Variants in RYR2 observed in about 807,000 individuals in gnomAD.
RYR2 encodes the protein ryanodine receptor 2.
In RYR2, 227 loss-of-function variants were observed where a neutral mutation model predicts 601.1. That is an observed-to-expected ratio of 0.38 (90% CI 0.34 to 0.42). The LOEUF (loss-of-function observed/expected upper bound fraction) is 0.42, where lower values mean the gene tolerates loss of function less well. RYR2 is among the 10% of genes least tolerant of loss of function. RYR2 has a pLI of 1.00. For synonymous variants in RYR2, 2,223 were observed against 2,175.1 expected (o/e 1.02, Z -0.61); for missense variants, 4,646 against 6,156.5 (o/e 0.75, Z 8.21).
At chr1:237,345,468 AAAAAAT>A (rs1698215437) in intron 3 of RYR2, among the ~76,000 whole-genome samples, 1 of 150,536 alleles carries the variant, frequency 6.6e-6, no homozygotes, top group Admixed American at 6.6e-5. Flanking sequence ...AATAAAAAAT[AAAAAAT>A]AAAAAATAAA....
At chr1:237,464,716 A>C (rs1463333383) in intron 16 of RYR2, among the ~76,000 whole-genome samples, 1 of 152,160 alleles carries the variant, frequency 6.6e-6, no homozygotes, top group Admixed American at 6.5e-5. Context: ...CAGTGTATAC[A>C]TTTACTTTAC....
intron 101 of RYR2, 87 bp from the exon 102 acceptor site, chr1:237,828,294 A>T (rs184474790): frequency 1.1e-6 from 1 of 887,016 alleles, no homozygotes; most frequent in African/African-American, 1.7e-5. Flanking sequence ...GTAGTTGTAC[A>T]TCTCCCCTTT....
intron 35 of RYR2, among the ~76,000 whole-genome samples, chr1:237,605,380 T>C (rs1677002378): frequency 6.6e-6 from 1 of 152,188 alleles, no homozygotes; most frequent in Non-Finnish European, 1.5e-5. Flanking sequence ...CAGCCCTTCA[T>C]GCTAAAAACT....
intron 8 of RYR2, among the ~76,000 whole-genome samples, chr1:237,379,551 C>T (rs1214974590): frequency 6.6e-6 from 1 of 152,170 alleles, no homozygotes; most frequent in African/African-American, 2.4e-5. Flanking sequence ...AGGTTTACCT[C>T]CTATAGAAGG....
chr1:237,298,296 G>A (rs1317354250), intron 2 of RYR2, among the ~76,000 whole-genome samples: 1 of 152,084 alleles, frequency 6.6e-6, no homozygotes, highest in Non-Finnish European at 1.5e-5. Context: ...CAGGAGGGCG[G>A]AGTTTCATGC....
chr1:237,362,301 A>G (rs1373925705), intron 4 of RYR2, among the ~76,000 whole-genome samples: 1 of 152,172 alleles, frequency 6.6e-6, no homozygotes, highest in Non-Finnish European at 1.5e-5. Context: ...AATTGCCCAT[A>G]TAGTCATCCC....
intron 17 of RYR2, among the ~76,000 whole-genome samples, chr1:237,488,423 C>T (rs1300780561): frequency 2.0e-5 from 3 of 152,142 alleles, no homozygotes; most frequent in African/African-American, 4.8e-5. Flanking sequence ...CAGCAAGCTC[C>T]CTTGGGGCCT....
intron 1 of RYR2, among the ~76,000 whole-genome samples, chr1:237,268,228 T>C (rs561757706): frequency 6.6e-6 from 1 of 152,328 alleles, no homozygotes; most frequent in African/African-American, 2.4e-5. Context: ...TGTAGTTACT[T>C]ACCCAAGAGT....
intron 29 of RYR2, among the ~76,000 whole-genome samples, chr1:237,578,024 G>A (rs1348415863): frequency 6.6e-6 from 1 of 152,118 alleles, no homozygotes; most frequent in Non-Finnish European, 1.5e-5. Flanking sequence ...GCTGGTGGCT[G>A]GTCTTGAGCT....
chr1:237,334,293 A>T (rs1368461757), intron 3 of RYR2, among the ~76,000 whole-genome samples: 1 of 152,126 alleles, frequency 6.6e-6, no homozygotes, highest in Non-Finnish European at 1.5e-5. Flanking sequence ...ATGAAATGGG[A>T]GAAAATATTA....
In RYR2 at chr1:237,707,048, G is replaced by A. The variant is rs755897867; in HGVS notation, c.9680G>A (p.Arg3227His). The change falls in exon 68 of 105, where the codon CGC becomes CAC. Residue 3227 changes from arginine (R) to histidine (H), a missense_variant. By Grantham distance (29) the Arg-to-His change is conservative. Coordinates refer to ENST00000366574, the MANE Select transcript of RYR2 (RefSeq NM_001035.3). The stretch of plus-strand genomic sequence containing the variant: ...GTGGAATTAGCCGAGTCCGGCATTC[G>A]CTACACTCAAATGCCACATGTCATG... Reference protein sequence around the residue: ...EIVELAESGIRYTQMPHVMEV... With the variant: ...EIVELAESGIHYTQMPHVMEV... 7.4e-6 allele frequency: 12 copies of A among 1,613,696 alleles called. No individual in the cohort carries two copies. The highest frequency in any genetic ancestry group is 2.2e-5 in the East Asian group (1 of 44,888).
At chr1:237,322,428 A>T (rs1695709695) in intron 2 of RYR2, among the ~76,000 whole-genome samples, 1 of 152,318 alleles carries the variant, frequency 6.6e-6, no homozygotes, top group South Asian at 2.1e-4. Context: ...CAAGGAGGGC[A>T]TGAGACAAGG....
chr1:237,408,239 G>A (rs182643600), intron 10 of RYR2, among the ~76,000 whole-genome samples: 2 of 151,972 alleles, frequency 1.3e-5, no homozygotes, highest in African/African-American at 4.8e-5. Context: ...TTAGTGGAAG[G>A]TGTCAGGTGT....
intron 63 of RYR2, among the ~76,000 whole-genome samples, chr1:237,696,947 A>G (rs973181247): frequency 6.6e-6 from 1 of 152,124 alleles, no homozygotes; most frequent in African/African-American, 2.4e-5. Context: ...ATAGGGAATT[A>G]ATTCTTTGAA....
intron 42 of RYR2, among the ~76,000 whole-genome samples, chr1:237,632,227 T>A (rs970734294): frequency 6.7e-6 from 1 of 149,260 alleles, no homozygotes; most frequent in African/African-American, 2.5e-5. Flanking sequence ...GAATTATAAT[T>A]CAGTTCTCAT....
chr1:237,105,834 C>CAA lies in RYR2; in HGVS notation c.48+63288_48+63289dup, dbSNP rs34759459. ...TGGGCGACAAAGCGAGACTCTGTCTCAAAAAAAAAAAAAAAAAAAAAAAAT... is the reference window on the plus strand; with the variant it reads ...TGGGCGACAAAGCGAGACTCTGTCTCAAAAAAAAAAAAAAAAAAAAAAAAAAT... On this transcript the variant is annotated intron_variant, in intron 1 of 104. Transcript: ENST00000366574. 9.4e-3 allele frequency among the ~76,000 whole-genome samples: 817 copies of CAA among 86,888 alleles called. 15 individuals carry two copies. The highest frequency in any genetic ancestry group is 0.032 in the African/African-American group (736 of 23,290). The allele number at this position is 86,888 out of a possible 152,430, so 57.0% of individuals were successfully genotyped here. A position where few individuals can be genotyped will look rare whatever the true frequency, so the allele number is the denominator to read the frequency against.
At chr1:237,451,375 C>T (rs2150198135) in intron 14 of RYR2, among the ~76,000 whole-genome samples, 1 of 152,162 alleles carries the variant, frequency 6.6e-6, no homozygotes, top group Non-Finnish European at 1.5e-5. Flanking sequence ...AATTTGAAAG[C>T]AGCCTGGCCA....
chr1:237,513,411 A>T (rs1397092563), intron 24 of RYR2, among the ~76,000 whole-genome samples: 10 of 152,158 alleles, frequency 6.6e-5, no homozygotes, highest in Admixed American at 6.5e-4. Flanking sequence ...AGTAGTAAGG[A>T]GTTATTTCCA....
At chr1:237,606,171 T>C (rs534394043) in intron 35 of RYR2, among the ~76,000 whole-genome samples, 1 of 152,030 alleles carries the variant, frequency 6.6e-6, no homozygotes, top group East Asian at 1.9e-4. Flanking sequence ...CAAACTATAC[T>C]ACAAGGCTAC....
Sources: gnomAD v4.1 joint callset for allele counts (sites outside exome capture counted in the v4.1 genomes callset) on GRCh38, gnomAD v4.1.1 for gene constraint, MANE v1.5 for transcripts, NCBI Gene and HGNC (gene_info 2026-07-23, HGNC 2026-07-21) for gene names.